GPR149: variants seen among roughly 807,000 people sequenced by gnomAD.
GPR149 encodes the protein G protein-coupled receptor 149.
Under a neutral mutation model 50.2 loss-of-function variants are expected in GPR149, and 50 were observed. The ratio of observed to expected loss-of-function variants is 1.00; its 90% CI spans 0.79 to 1.26. The LOEUF (loss-of-function observed/expected upper bound fraction) is 1.26. Among genes scored for constraint, GPR149 ranks in the 50% most tolerant of loss-of-function variants. GPR149 has a pLI of 0.00. For synonymous variants in GPR149, 405 were observed against 358.2 expected (o/e 1.13, Z -1.48); for missense variants, 983 against 895.4 (o/e 1.10, Z -1.25).
intron 1 of GPR149, among the ~76,000 whole-genome samples, chr3:154,428,011 C>T (rs1278697241): frequency 1.3e-5 from 2 of 152,220 alleles, no homozygotes; most frequent in Non-Finnish European, 2.9e-5. Context: ...AAACAGGCGT[C>T]CGTGAAACCC....
chr3:154,421,927 A>G (rs1712158018), intron 2 of GPR149, among the ~76,000 whole-genome samples: 1 of 151,776 alleles, frequency 6.6e-6, no homozygotes, highest in Non-Finnish European at 1.5e-5. Flanking sequence ...TATGTGAGTT[A>G]TTCAGCTAAG....
At chr3:154,343,039 A>G (rs988997890) in intron 3 of GPR149, among the ~76,000 whole-genome samples, 1 of 152,238 alleles carries the variant, frequency 6.6e-6, no homozygotes, top group Admixed American at 6.5e-5. Context: ...CTGAAAAGCT[A>G]TCTTGAATAG....
chr3:154,389,230 A>G (rs1340454128), intron 3 of GPR149, among the ~76,000 whole-genome samples: 1 of 152,190 alleles, frequency 6.6e-6, no homozygotes, highest in East Asian at 1.9e-4. Flanking sequence ...TGATTCTATA[A>G]TAAAATACAA....
At chr3:154,399,078 T>C (rs1715360899) in intron 3 of GPR149, among the ~76,000 whole-genome samples, 1 of 152,218 alleles carries the variant, frequency 6.6e-6, no homozygotes, top group Admixed American at 6.5e-5. Context: ...AAACACTAAA[T>C]GCTAGTCCCA....
At chr3:154,348,890 A>G (rs957170491) in intron 3 of GPR149, among the ~76,000 whole-genome samples, 1 of 152,068 alleles carries the variant, frequency 6.6e-6, no homozygotes, top group African/African-American at 2.4e-5. Context: ...CATAAGACAA[A>G]CCCTAGGGAA....
chr3:154,390,899 A>C (rs1048516249), intron 3 of GPR149, among the ~76,000 whole-genome samples: 1 of 152,134 alleles, frequency 6.6e-6, no homozygotes, highest in African/African-American at 2.4e-5. Context: ...ATGCCAGAGA[A>C]GGTAGATGAG....
At chr3:154,423,853 TTTA>T (rs961239675) in intron 2 of GPR149, among the ~76,000 whole-genome samples, 2 of 151,538 alleles carry the variant, frequency 1.3e-5, no homozygotes, top group African/African-American at 4.8e-5. Flanking sequence ...ATTATTATTT[TTTA>T]TTATTATTAT....
In GPR149 at chr3:154,421,258, T is replaced by G. The variant is rs148319718; in HGVS notation, c.1404A>C (p.Arg468Ser). Residue 468 changes from arginine (R) to serine (S), a missense_variant, in exon 3 of 4, where the codon AGA (arginine) becomes AGC (serine). Physicochemically the swap from Arg to Ser is moderately radical, Grantham distance 110. Coordinates refer to ENST00000389740, the MANE Select transcript of GPR149 (RefSeq NM_001038705.3). ...TTPSLDSSTQ[R>S]GINKCTNTDI... is the part of the protein sequence containing the mutation. ...CAGTATTTGTGCATTTGTTGATGCC[T>G]CTTTGTGTGGAGCTGTCCAGAGAGG... The G allele has an allele frequency of 2.9e-4, 472 of 1,613,558 alleles. 1 individual carries two copies. The highest frequency in any genetic ancestry group is 2.9e-3 in the African/African-American group (217 of 75,004).
intron 3 of GPR149, among the ~76,000 whole-genome samples, chr3:154,379,047 TGGC>T (rs1714860284): frequency 6.1e-5 from 1 of 16,302 alleles, no homozygotes. Context: ...AAGACCATCC[TGGC>T]TAACAAGGTG....
At chr3:154,411,208 G>C (rs889250188) in intron 3 of GPR149, among the ~76,000 whole-genome samples, 1 of 152,070 alleles carries the variant, frequency 6.6e-6, no homozygotes, top group Non-Finnish European at 1.5e-5. Context: ...TGAGAGAAAA[G>C]TTCATAGTAT....
chr3:154,355,386 T>C (rs913746693), intron 3 of GPR149, among the ~76,000 whole-genome samples: 18 of 152,222 alleles, frequency 1.2e-4, no homozygotes, highest in Non-Finnish European at 1.9e-4. Flanking sequence ...TTTTTAGCCC[T>C]GTGTGAATCC....
intron 1 of GPR149, among the ~76,000 whole-genome samples, chr3:154,428,177 A>G (rs1456380276): frequency 6.6e-6 from 1 of 152,006 alleles, no homozygotes; most frequent in Non-Finnish European, 1.5e-5. Context: ...TTCTCCCTCC[A>G]CAACTGATCT....
intron 3 of GPR149, among the ~76,000 whole-genome samples, chr3:154,399,265 T>C (rs1396130220): frequency 6.6e-6 from 1 of 152,240 alleles, no homozygotes; most frequent in East Asian, 1.9e-4. Context: ...CTTACACCTG[T>C]AATGTGAATA....
At chr3:154,367,091 T>C (rs1377501485) in intron 3 of GPR149, among the ~76,000 whole-genome samples, 2 of 152,180 alleles carry the variant, frequency 1.3e-5, no homozygotes, top group Non-Finnish European at 2.9e-5. Flanking sequence ...TGGTGGAGAC[T>C]ACACGCTGCT....
chr3:154,393,931 G>A (rs1359475036), intron 3 of GPR149, among the ~76,000 whole-genome samples: 1 of 151,904 alleles, frequency 6.6e-6, no homozygotes, highest in African/African-American at 2.4e-5. Context: ...ATAAACAAAT[G>A]AGAAGATATT....
intron 3 of GPR149, among the ~76,000 whole-genome samples, chr3:154,348,674 C>G (rs1713991121): frequency 1.3e-5 from 2 of 152,098 alleles, no homozygotes; most frequent in South Asian, 4.1e-4. Flanking sequence ...TTCAACCCCT[C>G]TCTCGCAACA....
At chr3:154,393,257 G>A (rs1311890500) in intron 3 of GPR149, among the ~76,000 whole-genome samples, 1 of 151,868 alleles carries the variant, frequency 6.6e-6, no homozygotes, top group African/African-American at 2.4e-5. Flanking sequence ...ATTTATCCCT[G>A]GAAGGCAAGT....
intron 3 of GPR149, among the ~76,000 whole-genome samples, chr3:154,417,741 G>A (rs1358917555): frequency 6.6e-6 from 1 of 151,994 alleles, no homozygotes; most frequent in African/African-American, 2.4e-5. Flanking sequence ...ACGGCACTGG[G>A]AAGAAAAAGA....
At chr3:154,420,424 T>C (rs907509183) in intron 3 of GPR149, among the ~76,000 whole-genome samples, 2 of 152,034 alleles carry the variant, frequency 1.3e-5, no homozygotes, top group Admixed American at 6.6e-5. Context: ...CAAATTCTTT[T>C]AGTTTTATAA....
Sources: gnomAD v4.1 joint callset for allele counts (sites outside exome capture counted in the v4.1 genomes callset) on GRCh38, gnomAD v4.1.1 for gene constraint, MANE v1.5 for transcripts, NCBI Gene and HGNC (gene_info 2026-07-23, HGNC 2026-07-21) for gene names.